The following ALDH3B1 variants were observed in gnomAD, a reference collection of about 807,000 sequenced individuals.
The protein encoded by ALDH3B1 is aldehyde dehydrogenase family 3 member B1.
ALDH3B1 carries 37 observed loss-of-function variants against 46.2 expected under a neutral mutation model. That is an observed-to-expected ratio of 0.80 (90% CI 0.62 to 1.05). The LOEUF is 1.05. Among genes scored for constraint, ALDH3B1 ranks in the 50% least tolerant of loss-of-function variants. ALDH3B1 has a pLI of 0.00. For synonymous variants in ALDH3B1, 283 were observed against 281.0 expected, an observed-to-expected ratio of 1.01 and a Z score of -0.07; for missense variants, 603 against 665.5, an observed-to-expected ratio of 0.91 and a Z score of 1.03.
intron 6 of ALDH3B1, among the ~76,000 whole-genome samples, chr11:68,020,285 A>G (rs1378573794): frequency 1.3e-5 from 2 of 151,990 alleles, no homozygotes; most frequent in African/African-American, 2.4e-5. Context: ...CAGTGGCACA[A>G]TCTTGGCACA....
intron 6 of ALDH3B1, among the ~76,000 whole-genome samples, chr11:68,020,522 A>G (rs1021255895): frequency 1.3e-5 from 2 of 152,220 alleles, no homozygotes; most frequent in African/African-American, 4.8e-5. Context: ...GGCATGAGCC[A>G]CCACACCCGG....
At chr11:68,011,862 G>A (rs1050798903) in intron 1 of ALDH3B1, among the ~76,000 whole-genome samples, 13 of 152,196 alleles carry the variant, frequency 8.5e-5, no homozygotes, top group African/African-American at 1.7e-4. Context: ...AGCACTTCCC[G>A]GGGTCCCAGT....
rs750322243 is a variant in ALDH3B1 at position 68,015,312 on chromosome 11, G to A, written c.15G>A (p.Gly5=). MDPL[G]DTLRRLREAF... ...CATCTGGCAGGATGGACCCCCTTGG[G>A]GACACGCTGCGGCGACTGCGGGAGG... Residue 5 remains glycine (G), a synonymous_variant, in exon 2 of 10, where the codon GGG becomes GGA. Transcript: ENST00000342456. 3.3e-6 allele frequency: 5 copies of A among 1,503,950 alleles called. No individual in the cohort carries two copies. The Admixed American group carries it at 8.3e-5, about 25-fold the overall frequency. The allele number at this position is 1,503,950 out of a possible 1,614,324, so 93.2% of individuals were successfully genotyped here.
chr11:68,015,356 C>A lies in ALDH3B1; in HGVS notation c.59C>A (p.Thr20Lys). Residue 20 changes from threonine (T) to lysine (K), a missense_variant, in exon 2 of 10, where the codon ACG (threonine) becomes AAG (lysine). By Grantham distance (78) the Thr-to-Lys change is moderately conservative. Coordinates refer to ENST00000342456, the MANE Select transcript of ALDH3B1 (RefSeq NM_000694.4). Reference sequence around the variant, plus strand: ...CGGGAGGCCTTCCACGCGGGGCGCACGCGGCCAGCTGAGTTCCGGGCTGCG... The same window carrying A: ...CGGGAGGCCTTCCACGCGGGGCGCAAGCGGCCAGCTGAGTTCCGGGCTGCG... ...RLREAFHAGR[T>K]RPAEFRAAQL... 6.5e-7 allele frequency: 1 copy of A among 1,543,258 alleles called. No individual in the cohort carries two copies. Among genetic ancestry groups the A allele is most frequent in the Admixed American group, 2.0e-5 (1 of 51,086 alleles).
intron 8 of ALDH3B1, among the ~76,000 whole-genome samples, chr11:68,024,032 A>C (rs924948754): frequency 3.3e-5 from 5 of 151,180 alleles, no homozygotes; most frequent in Non-Finnish European, 5.9e-5. Flanking sequence ...CTTTATTTGG[A>C]TTTTGCTGTT....
At chr11:68,013,307 G>C (rs532130264) in intron 1 of ALDH3B1, among the ~76,000 whole-genome samples, 1 of 152,296 alleles carries the variant, frequency 6.6e-6, no homozygotes, top group Non-Finnish European at 1.5e-5. Context: ...GCGTTGCTAG[G>C]AGGGTTGCTG....
rs577093649 is a variant in ALDH3B1 at position 68,029,054 on chromosome 11, T to A, written c.*1115T>A. Reference sequence around the variant, plus strand: ...TTGAACAAGCTGATGATTCTGAAACTGGCCCAATTTCCTAACAAGCCGGAT... The same window carrying A: ...TTGAACAAGCTGATGATTCTGAAACAGGCCCAATTTCCTAACAAGCCGGAT... On this transcript the variant is annotated 3_prime_UTR_variant, in exon 10 of 10. Transcript: ENST00000342456. The A allele has an allele frequency of 6.6e-6, 1 of 152,266 alleles. No individual in the cohort carries two copies. Among genetic ancestry groups the A allele is most frequent in the African/African-American group, 2.4e-5 (1 of 41,448 alleles). 9.4% of individuals were successfully genotyped at this position (152,266 alleles called of 1,614,324 possible). A position where few individuals can be genotyped will look rare whatever the true frequency, so the allele number is the denominator to read the frequency against.
In ALDH3B1 at chr11:68,018,535, C is replaced by A. The variant is rs188211650; in HGVS notation, c.171C>A (p.Phe57Leu). The change falls in exon 3 of 10, where the codon TTC (phenylalanine) becomes TTA (leucine). Residue 57 changes from phenylalanine (F) to leucine (L), a missense_variant. Physicochemically the swap from Phe to Leu is conservative, Grantham distance 22. Coordinates refer to ENST00000342456, the MANE Select transcript of ALDH3B1 (RefSeq NM_000694.4). ...ALAQDLHKSA[F>L]ESEVSEVAIS... ...CCACCCACTTCCTGCAGTCAGCCTT[C>A]GAGTCGGAGGTGTCTGAGGTTGCCA... The A allele has an allele frequency of 3.8e-6, 6 of 1,567,196 alleles. No homozygotes were observed. The highest frequency in any genetic ancestry group is 5.2e-6 in the Non-Finnish European group (6 of 1,155,546).
At chr11:68,017,123 A>C (rs77743410) in intron 2 of ALDH3B1, 3,514 of 152,436 alleles carry the variant, frequency 0.023, 65 homozygotes, top group Non-Finnish European at 0.034. Context: ...AAGGGCATGC[A>C]GCCAGGAAGA....
chr11:68,025,121 C>G (rs1003304108), intron 8 of ALDH3B1: 1 of 152,278 alleles, frequency 6.6e-6, no homozygotes, highest in Non-Finnish European at 1.5e-5. Context: ...CCACCCAGAA[C>G]TGATCCCAGG....
chr11:68,028,075 C>A lies in ALDH3B1; in HGVS notation c.*136C>A. 1 of 1,152,596 alleles carries A rather than the reference C, an allele frequency of 8.7e-7. No individual in the cohort carries two copies. The highest frequency in any genetic ancestry group is 1.3e-6 in the Non-Finnish European group (1 of 773,640). The allele number at this position is 1,152,596 out of a possible 1,614,324, so 71.4% of individuals were successfully genotyped here. On this transcript the variant is annotated 3_prime_UTR_variant, in exon 10 of 10. Transcript: ENST00000342456. ...AGGGCACCCCTCAAAGCAGCGCCTG[C>A]CTCCTCCCTCCTGGGTCTTCCCTCT...
At position 68,019,808 on chromosome 11, in the gene ALDH3B1, AC is replaced by A; in HGVS notation, c.562+13del. ...CATCTTCTTCACAGGTGAGGCCGGGACGAGGGTCGGGACAGGCTGGGGTCGG... is the reference window on the plus strand; with the variant it reads ...CATCTTCTTCACAGGTGAGGCCGGGAGAGGGTCGGGACAGGCTGGGGTCGG... On this transcript the variant is annotated intron_variant, in intron 6 of 9. Coordinates refer to ENST00000342456, the MANE Select transcript of ALDH3B1 (RefSeq NM_000694.4). 6.2e-7 allele frequency: 1 copy of A among 1,613,650 alleles called. No homozygotes were observed. The highest frequency in any genetic ancestry group is 8.5e-7 in the Non-Finnish European group (1 of 1,179,660).
chr11:68,017,817 A>G (rs1194326106), intron 2 of ALDH3B1: 1 of 152,136 alleles, frequency 6.6e-6, no homozygotes, highest in African/African-American at 2.4e-5. Context: ...GGAGTTCAAG[A>G]CCTACCTAGG....
chr11:68,021,522 C>G lies in ALDH3B1; in HGVS notation c.600C>G (p.Ala200=). The stretch of plus-strand genomic sequence containing the variant: ...TGGGCAAGATTGTTATGACTGCTGC[C>G]GCCAAGCACCTGACACCTGTCACCC... ...PRVGKIVMTA[A]AKHLTPVTLE... Residue 200 remains alanine, a synonymous_variant, in exon 7 of 10, where the codon GCC becomes GCG. Coordinates refer to ENST00000342456, the MANE Select transcript of ALDH3B1 (RefSeq NM_000694.4). 1.2e-6 allele frequency: 2 copies of G among 1,613,728 alleles called. No individual in the cohort carries two copies. The highest frequency in any genetic ancestry group is 1.7e-6 in the Non-Finnish European group (2 of 1,179,836).
intron 6 of ALDH3B1, among the ~76,000 whole-genome samples, chr11:68,020,735 A>G (rs1179497842): frequency 6.6e-6 from 1 of 152,202 alleles, no homozygotes; most frequent in African/African-American, 2.4e-5. Context: ...GGCAGGGGTG[A>G]GAGTAGAGAA....
intron 1 of ALDH3B1, among the ~76,000 whole-genome samples, chr11:68,011,778 G>T (rs1252487024): frequency 2.0e-5 from 3 of 152,134 alleles, no homozygotes; most frequent in Admixed American, 6.5e-5. Context: ...TTGGATCAAG[G>T]CCCCTTCAGG....
chr11:68,023,619 T>A (rs574980936), intron 8 of ALDH3B1, among the ~76,000 whole-genome samples: 17 of 152,208 alleles, frequency 1.1e-4, no homozygotes, highest in African/African-American at 3.4e-4. Flanking sequence ...GAACTTTTTT[T>A]AAATAAACTT....
intron 7 of ALDH3B1, 89 bp from the exon 8 acceptor site, chr11:68,022,506 T>C: frequency 2.7e-6 from 4 of 1,508,366 alleles, no homozygotes; most frequent in Non-Finnish European, 3.6e-6. Context: ...CCTAGAGCCC[T>C]GGCCTGTGGC....
chr11:68,019,344 C>T (rs941264301), intron 5 of ALDH3B1, 89 bp downstream of exon 5: 17 of 1,140,096 alleles, frequency 1.5e-5, no homozygotes, highest in Non-Finnish European at 2.2e-5. Context: ...GTCAGTCAGA[C>T]CCGAGTCCCC....
Sources: gnomAD v4.1 joint callset for allele counts (sites outside exome capture counted in the v4.1 genomes callset) on GRCh38, gnomAD v4.1.1 for gene constraint, MANE v1.5 for transcripts, NCBI Gene and HGNC (gene_info 2026-07-23, HGNC 2026-07-21) for gene names.